KMT2C: variants seen among roughly 807,000 people sequenced by gnomAD.
The protein encoded by KMT2C is lysine methyltransferase 2C.
In KMT2C, 88 loss-of-function variants were observed where a neutral mutation model predicts 507.9. That is an observed-to-expected ratio of 0.17 (90% CI 0.15 to 0.21). KMT2C has a LOEUF of 0.21. Ranked by LOEUF, KMT2C falls within the 10% of genes least tolerant of loss-of-function variation. The pLI is 1.00. For missense variants in KMT2C, 4,954 were observed against 5,957.8 expected (o/e 0.83, Z 5.55); for synonymous variants, 2,049 against 2,080.8 (o/e 0.98, Z 0.42).
chr7:152,254,404 G>C (rs994606928), intron 9 of KMT2C, among the ~76,000 whole-genome samples: 2 of 151,952 alleles, frequency 1.3e-5, no homozygotes, highest in Admixed American at 1.3e-4. Context: ...GTTTATACAA[G>C]AAATTCAAAG....
At chr7:152,156,412 G>A (rs1008990405) in intron 44 of KMT2C, 66 bp from the exon 45 acceptor site, 26 of 1,566,184 alleles carry the variant, frequency 1.7e-5, no homozygotes, top group East Asian at 1.1e-4. Context: ...TTGCTAAAAC[G>A]TAGTTCTGTG....
chr7:152,214,653 C>G (rs1280421447), intron 23 of KMT2C, among the ~76,000 whole-genome samples: 1 of 152,150 alleles, frequency 6.6e-6, no homozygotes, highest in African/African-American at 2.4e-5. Context: ...TTTGTGACAA[C>G]ATGGATGAAC....
intron 1 of KMT2C, among the ~76,000 whole-genome samples, chr7:152,359,777 G>T (rs986211999): frequency 1.3e-5 from 2 of 152,098 alleles, no homozygotes; most frequent in Non-Finnish European, 1.5e-5. Flanking sequence ...AGCTGGCTGT[G>T]GTGGCTCACA....
chr7:152,224,265 A>C, intron 19 of KMT2C, 86 bp from the exon 20 acceptor site: 2 of 1,359,126 alleles, frequency 1.5e-6, no homozygotes, highest in Non-Finnish European at 2.0e-6. Context: ...ATACGAACAT[A>C]ATGGGGGAAA....
chr7:152,221,125 C>T (rs1411480393), intron 22 of KMT2C, among the ~76,000 whole-genome samples: 46 of 152,170 alleles, frequency 3.0e-4, no homozygotes, highest in African/African-American at 1.0e-3. Context: ...GGCGTGGTGG[C>T]GGGCACCTGT....
intron 50 of KMT2C, 84 bp from the exon 51 acceptor site, chr7:152,151,091 A>G (rs2091580726): frequency 1.2e-6 from 1 of 805,138 alleles, no homozygotes; most frequent in Non-Finnish European, 2.0e-6. Context: ...TTTATGTTAT[A>G]TTCAAAAGTG....
At chr7:152,172,450 C>T (rs1015520841) in intron 39 of KMT2C, among the ~76,000 whole-genome samples, 1 of 152,148 alleles carries the variant, frequency 6.6e-6, no homozygotes, top group South Asian at 2.1e-4. Context: ...AATTGCAGCA[C>T]TTTGGGAGGG....
intron 3 of KMT2C, among the ~76,000 whole-genome samples, chr7:152,316,241 T>A (rs985507652): frequency 2.6e-5 from 4 of 152,258 alleles, no homozygotes; most frequent in Non-Finnish European, 5.9e-5. Flanking sequence ...TGGTAGATAC[T>A]GAGCCCTAAT....
In KMT2C at chr7:152,317,966, C is replaced by T. The variant is rs887666534; in HGVS notation, c.390-2628G>A. 5.9e-5 allele frequency among the ~76,000 whole-genome samples: 9 copies of T among 151,658 alleles called. No homozygotes were observed. In the South Asian group the frequency reaches 1.0e-3, roughly 18 times the overall value. On this transcript the variant is annotated intron_variant, in intron 3 of 58. Coordinates refer to ENST00000262189, the MANE Select transcript of KMT2C (RefSeq NM_170606.3). ...CAGCCCAGCCAACATGGTGAAACCC[C>T]GTCTCTACTAAAAATACAAAAATTA...
intron 1 of KMT2C, among the ~76,000 whole-genome samples, chr7:152,393,406 CA>C (rs1157295520): frequency 6.6e-6 from 1 of 152,052 alleles, no homozygotes; most frequent in Non-Finnish European, 1.5e-5. Flanking sequence ...AAATTATTTA[CA>C]AATCATTTAA....
chr7:152,356,143 A>G (rs1423427420), intron 2 of KMT2C, among the ~76,000 whole-genome samples: 2 of 152,200 alleles, frequency 1.3e-5, no homozygotes, highest in African/African-American at 4.8e-5. Flanking sequence ...TGGTAGATGA[A>G]TATGGAACTT....
At chr7:152,208,240 C>A (rs775907682) in intron 23 of KMT2C, among the ~76,000 whole-genome samples, 2 of 152,164 alleles carry the variant, frequency 1.3e-5, no homozygotes, top group Non-Finnish European at 2.9e-5. Context: ...AGCTTCATCT[C>A]ACTCCCACCA....
rs755908212 is a variant in KMT2C at position 152,180,018 on chromosome 7, G to C, written c.7258C>G (p.Leu2420Val). The C allele has an allele frequency of 1.5e-5, 25 of 1,614,078 alleles. No individual in the cohort carries two copies. The South Asian group carries it at 2.6e-4, about 17-fold the overall frequency. ...DSPAVPHPGP[L>V]QHWQPENVNQ... is the part of the protein sequence containing the mutation. The stretch of plus-strand genomic sequence containing the variant: ...ACATTCTCTGGTTGCCAGTGTTGAA[G>C]AGGCCCTGGATGAGGCACTGCGGGT... Residue 2420 changes from leucine (L) to valine (V), a missense_variant, in exon 37 of 59, where the codon CTT becomes GTT. Coordinates refer to ENST00000262189, the MANE Select transcript of KMT2C (RefSeq NM_170606.3).
chr7:152,408,400 A>G (rs570834661), intron 1 of KMT2C, among the ~76,000 whole-genome samples: 288 of 151,894 alleles, frequency 1.9e-3, no homozygotes, highest in African/African-American at 6.8e-3. Flanking sequence ...CTGCTTCAAT[A>G]TATTAAAAAA....
intron 14 of KMT2C, among the ~76,000 whole-genome samples, chr7:152,241,350 G>A (rs112407858): frequency 1.3e-5 from 2 of 152,162 alleles, no homozygotes; most frequent in African/African-American, 4.8e-5. Flanking sequence ...ACAGGCATGC[G>A]CCACCAGGCC....
At chr7:152,199,158 C>T in intron 27 of KMT2C, 121 bp downstream of exon 27, 1 of 729,234 alleles carries the variant, frequency 1.4e-6, no homozygotes, top group Non-Finnish European at 2.2e-6. Context: ...AGTTATACTT[C>T]AATGCTGTTG....
At chr7:152,434,663 CGA>C (rs1297479243) in intron 1 of KMT2C, among the ~76,000 whole-genome samples, 1 of 152,140 alleles carries the variant, frequency 6.6e-6, no homozygotes, top group African/African-American at 2.4e-5. Context: ...ACGGCACACG[CGA>C]GAGCCACAGA....
rs2092546773 is a variant in KMT2C at position 152,163,172 on chromosome 7, G to A, written c.10405C>T (p.Leu3469Phe). 6.2e-7 allele frequency: 1 copy of A among 1,614,056 alleles called. No individual in the cohort carries two copies. Among genetic ancestry groups the A allele is most frequent in the African/African-American group, 1.3e-5 (1 of 74,898 alleles). The change falls in exon 43 of 59, where the codon CTT (leucine) becomes TTT (phenylalanine). Residue 3469 changes from leucine to phenylalanine, a missense_variant. By Grantham distance (22) the Leu-to-Phe change is conservative. Around this residue, in one of 29 missense-constraint regions of KMT2C, gnomAD observed 801 missense variants for 751.2 expected, o/e 1.07. Transcript: ENST00000262189. The stretch of plus-strand genomic sequence containing the variant: ...TGTTGGTGTTGTGGAGACTGCTGAA[G>A]GGGTCCTAGAGGTTGCATAAAATCA... ...PCDFMQPLGP[L>F]QQSPQHQQQM... is the part of the protein sequence containing the mutation.
chr7:152,428,500 G>A (rs1179589359), intron 1 of KMT2C, among the ~76,000 whole-genome samples: 1 of 150,894 alleles, frequency 6.6e-6, no homozygotes, highest in African/African-American at 2.4e-5. Context: ...GCATGGTGGT[G>A]GGTGCCTGTA....
Sources: gnomAD v4.1 joint callset for allele counts (sites outside exome capture counted in the v4.1 genomes callset) on GRCh38, gnomAD v4.1.1 for gene constraint, gnomAD v4.1.1 regional missense constraint, MANE v1.5 for transcripts, NCBI Gene and HGNC (gene_info 2026-07-23, HGNC 2026-07-21) for gene names.